USP9X: variants seen among roughly 807,000 people sequenced by gnomAD.
The protein encoded by USP9X is ubiquitin carboxyl-terminal hydrolase 9X.
USP9X carries 7 observed loss-of-function variants against 190.3 expected under a neutral mutation model. That is an observed-to-expected ratio of 0.04 (90% CI 0.02 to 0.07). The LOEUF is 0.07. Ranked by LOEUF, USP9X falls within the 10% of genes least tolerant of loss-of-function variation. The pLI, the probability that USP9X is intolerant of heterozygous loss-of-function variation, is 1.00. For synonymous variants in USP9X, 645 were observed against 659.5 expected (o/e 0.98, Z 0.34); for missense variants, 1,010 against 1,916.9 (o/e 0.53, Z 8.83).
At chrX:41,216,967 C>T (rs2063217849) in intron 35 of USP9X, among the ~76,000 whole-genome samples, 1 of 111,125 alleles carries the variant, frequency 9.0e-6, no homozygotes, top group Admixed American at 9.6e-5. Flanking sequence ...GAGGCTGAGG[C>T]AGGAGAATCG....
chrX:41,181,363 C>T (rs1287693291), intron 21 of USP9X, among the ~76,000 whole-genome samples: 2 of 93,071 alleles, frequency 2.1e-5, no homozygotes, highest in Non-Finnish European at 4.2e-5. Context: ...ACTGTAACCT[C>T]AAACTCCTGG....
At position 41,170,095 on chromosome X, in the gene USP9X, G is replaced by C; in HGVS notation, c.2737G>C (p.Gly913Arg). The C allele has an allele frequency of 8.3e-7, 1 of 1,211,498 alleles. No homozygotes were observed. The highest frequency in any genetic ancestry group is 1.1e-6 in the Non-Finnish European group (1 of 895,450). ...EVWSHTNDTI[G>R]SVRRCILNRI... is the part of the protein sequence containing the mutation. ...ATGGTCTCATACAAATGATACAATT[G>C]GTTCAGTACGACGATGTATTCTCAA... The change falls in exon 19 of 45, where the codon GGT becomes CGT. Residue 913 changes from glycine (G) to arginine (R), a missense_variant. Gly to Arg is a moderately radical substitution (Grantham distance 125). Around this residue, in one of 11 missense-constraint regions of USP9X, gnomAD observed 351 missense variants for 480.8 expected, o/e 0.73. Coordinates refer to ENST00000378308, the MANE Select transcript of USP9X (RefSeq NM_001039591.3).
At position 41,099,067 on chromosome X, in the gene USP9X, C is replaced by T. The variant is rs370005561; in HGVS notation, c.-159+12958C>T. Among the ~76,000 whole-genome samples the T allele has an allele frequency of 5.0e-4, 51 of 101,175 alleles. 1 individual carries two copies. In the South Asian group the frequency reaches 0.018, roughly 36 times the overall value. The allele number at this position is 101,175 out of a possible 115,157, so 87.9% of individuals were successfully genotyped here. ...TCTGCCTCTTGAGTAGCTGGGACCACGACCACATGCCATAATGCCCAGATA... is the reference window on the plus strand; with the variant it reads ...TCTGCCTCTTGAGTAGCTGGGACCATGACCACATGCCATAATGCCCAGATA... On this transcript the variant is annotated intron_variant, in intron 1 of 44. Transcript: ENST00000378308.
Position 41,167,508 on chromosome X carries a change from T to A in USP9X, c.2355T>A (p.Ile785=). 1 of 1,207,902 alleles carries A rather than the reference T, an allele frequency of 8.3e-7. No homozygotes were observed. Among genetic ancestry groups the A allele is most frequent in the Non-Finnish European group, 1.1e-6 (1 of 893,200 alleles). ...WRVVIQSNDD[I]ASRAIDLLKE... The stretch of plus-strand genomic sequence containing the variant: ...TCGTGATTCAGAGTAATGATGATAT[T>A]GCCAGCAGAGCTATAGATCTCCTCA... Residue 785 remains isoleucine, a synonymous_variant, in exon 17 of 45, where the codon ATT becomes ATA. Transcript: ENST00000378308.
Position 41,197,508 on chromosome X carries a change from A to C in USP9X, c.4378A>C (p.Lys1460Gln). Residue 1460 changes from lysine to glutamine, a missense_variant and splice_region_variant, in exon 29 of 45, where the codon AAA (lysine) becomes CAA (glutamine). Physicochemically the swap from Lys to Gln is moderately conservative, Grantham distance 53 (BLOSUM62 1). This residue lies in a region of USP9X where 351 missense variants were observed against 480.8 expected (regional missense o/e 0.73). Transcript: ENST00000378308. ...GCEKGGANLIKELIDDFIFPA... is the reference protein window; with the variant it reads ...GCEKGGANLIQELIDDFIFPA... ...TGAAAAAGGAGGTGCTAATCTCATT[A>C]AAGTAAGTTCTGTGTTCTTGGTTGT... The C allele has an allele frequency of 8.3e-7, 1 of 1,209,470 alleles. No individual in the cohort carries two copies. The highest frequency in any genetic ancestry group is 3.0e-5 in the East Asian group (1 of 33,818).
At position 41,189,342 on chromosome X, in the gene USP9X, G is replaced by A. The variant is rs2062910645; in HGVS notation, c.3844G>A (p.Glu1282Lys). ...AGGCAATGAGCCAGACTTGGAAGAC[G>A]AACAGGTTTGCTGTGAAGCATTGGA... The part of the protein sequence containing the change: ...NAGNEPDLED[E>K]QVCCEALEVM... Residue 1282 changes from glutamate (E) to lysine (K), a missense_variant, in exon 26 of 45, where the codon GAA becomes AAA. Physicochemically the swap from Glu to Lys is moderately conservative, Grantham distance 56. Transcript: ENST00000378308. 8.3e-7 allele frequency: 1 copy of A among 1,210,840 alleles called. No homozygotes were observed. Among genetic ancestry groups the A allele is most frequent in the South Asian group, 1.8e-5 (1 of 56,801 alleles).
At chrX:41,181,434 A>ATTTT (rs1463219870) in intron 21 of USP9X, among the ~76,000 whole-genome samples, 3 of 23,820 alleles carry the variant, frequency 1.3e-4, no homozygotes, top group South Asian at 2.8e-3. Flanking sequence ...ACCACACCTG[A>ATTTT]CTTTTTTTTT....
intron 31 of USP9X, 132 bp downstream of exon 31, chrX:41,201,412 C>G: frequency 1.7e-5 from 11 of 629,642 alleles, no homozygotes; most frequent in Non-Finnish European, 2.6e-5. Context: ...GGGCCGAGCA[C>G]ACACCTGTGG....
intron 21 of USP9X, among the ~76,000 whole-genome samples, chrX:41,179,603 A>C (rs1243233109): frequency 2.7e-5 from 3 of 112,106 alleles, no homozygotes; most frequent in African/African-American, 6.5e-5. Flanking sequence ...TGTATCCTGC[A>C]GTTAACTAAC....
intron 1 of USP9X, among the ~76,000 whole-genome samples, chrX:41,115,498 G>A (rs1275900505): frequency 2.7e-5 from 3 of 112,023 alleles, no homozygotes; most frequent in Non-Finnish European, 5.6e-5. Context: ...CCATGTTTGA[G>A]CTTAAGGATG....
intron 14 of USP9X, among the ~76,000 whole-genome samples, chrX:41,158,383 A>C (rs2062598186): frequency 9.0e-6 from 1 of 111,576 alleles, no homozygotes; most frequent in Admixed American, 9.5e-5. Context: ...TTAACCGCTG[A>C]CTTCTCATCA....
chrX:41,222,692 C>T (rs990012595), intron 38 of USP9X, among the ~76,000 whole-genome samples: 1 of 110,622 alleles, frequency 9.0e-6, no homozygotes, highest in African/African-American at 3.3e-5. Context: ...CCAAGGCGGG[C>T]AGATCATGAG....
At chrX:41,100,049 T>G (rs764995809) in intron 1 of USP9X, among the ~76,000 whole-genome samples, 3 of 112,303 alleles carry the variant, frequency 2.7e-5, no homozygotes, top group Non-Finnish European at 5.6e-5. Context: ...CCCTTCCATT[T>G]TGATGCAAAA....
At chrX:41,232,243 G>GT (rs375266369) in intron 44 of USP9X, 144 bp from the exon 45 acceptor site, 1 of 637,625 alleles carries the variant, frequency 1.6e-6, no homozygotes, top group Non-Finnish European at 2.2e-6. Context: ...TTTTGTTTTT[G>GT]TTTTGCACTA....
At chrX:41,130,465 C>CT (rs1205366670) in intron 3 of USP9X, among the ~76,000 whole-genome samples, 34 of 96,639 alleles carry the variant, frequency 3.5e-4, no homozygotes, top group African/African-American at 1.3e-3. Context: ...TTTTTTTTTT[C>CT]TTTTTTTCTT....
At chrX:41,198,359 A>G (rs2063008263) in intron 29 of USP9X, among the ~76,000 whole-genome samples, 169 bp from the exon 30 acceptor site, 1 of 93,553 alleles carries the variant, frequency 1.1e-5, no homozygotes, top group Non-Finnish European at 2.3e-5. Context: ...AGTGATAGTA[A>G]ATAGTGTTTT....
rs28574971 is a variant in USP9X at position 41,223,599 on chromosome X, G to A, written c.6751+197G>A. On this transcript the variant is annotated intron_variant, in intron 39 of 44. Coordinates refer to ENST00000378308, the MANE Select transcript of USP9X (RefSeq NM_001039591.3). ...ATTACAGGTGCCCACCACCACGCCC[G>A]GCTAATTTTGTATTTTTAGCAGAGA... Among the ~76,000 whole-genome samples the A allele has an allele frequency of 7.2e-5, 8 of 110,855 alleles. No homozygotes were observed. The South Asian group carries it at 1.1e-3, about 16-fold the overall frequency.
At chrX:41,101,309 GT>G (rs1311680047) in intron 1 of USP9X, among the ~76,000 whole-genome samples, 207 of 110,049 alleles carry the variant, frequency 1.9e-3, no homozygotes, top group African/African-American at 6.6e-3. Flanking sequence ...GCCAGGCACG[GT>G]GGCTCACACC....
chrX:41,094,286 C>G (rs779272722), intron 1 of USP9X, among the ~76,000 whole-genome samples: 2 of 109,114 alleles, frequency 1.8e-5, no homozygotes, highest in Admixed American at 2.0e-4. Context: ...AAGTGATTCT[C>G]CAGCCTCAAC....
Sources: allele counts gnomAD v4.1 joint callset (sites outside exome capture counted in the v4.1 genomes callset), GRCh38; gene constraint gnomAD v4.1.1; regional missense constraint gnomAD v4.1.1; transcripts MANE v1.5; gene names NCBI Gene and HGNC (gene_info 2026-07-23, HGNC 2026-07-21).